LCORL: variants seen among roughly 807,000 people sequenced by gnomAD.
LCORL encodes the protein ligand-dependent nuclear receptor corepressor-like protein.
In LCORL, 41 loss-of-function variants were observed where a neutral mutation model predicts 141.8. The ratio of observed to expected loss-of-function variants is 0.29; its 90% CI spans 0.23 to 0.38. The LOEUF (loss-of-function observed/expected upper bound fraction) is 0.38, where lower values mean the gene tolerates loss of function less well. LCORL is among the 10% of genes least tolerant of loss of function. LCORL has a pLI of 1.00. For synonymous variants in LCORL, 618 were observed against 694.1 expected, an observed-to-expected ratio of 0.89 and a Z score of 1.72; for missense variants, 1,759 against 2,035.0, an observed-to-expected ratio of 0.86 and a Z score of 2.61.
At chr4:17,933,018 C>T (rs1158690785) in intron 4 of LCORL, among the ~76,000 whole-genome samples, 4 of 152,082 alleles carry the variant, frequency 2.6e-5, no homozygotes, top group African/African-American at 9.7e-5. Context: ...GGCTGTCTTT[C>T]TTTAAATGTT....
intron 6 of LCORL, among the ~76,000 whole-genome samples, 200 bp downstream of exon 6, chr4:17,885,868 T>C (rs745968435): frequency 3.3e-5 from 5 of 151,864 alleles, no homozygotes; most frequent in Admixed American, 6.6e-5. Context: ...TTGGTGATTG[T>C]TCTGATAACT....
intron 4 of LCORL, among the ~76,000 whole-genome samples, chr4:17,942,210 G>A (rs1270003111): frequency 1.3e-5 from 2 of 152,130 alleles, no homozygotes; most frequent in Non-Finnish European, 2.9e-5. Context: ...TGACAATAGA[G>A]TGAAACCCAA....
chr4:17,980,693 C>T (rs1717822636), intron 1 of LCORL, among the ~76,000 whole-genome samples: 2 of 152,138 alleles, frequency 1.3e-5, no homozygotes. Context: ...GCAGGAGTCC[C>T]CAATCCCCAG....
intron 7 of LCORL, among the ~76,000 whole-genome samples, chr4:17,848,723 G>A (rs1052035436): frequency 1.8e-4 from 28 of 152,326 alleles, no homozygotes; most frequent in African/African-American, 6.0e-4. Context: ...GAAGCAGGGC[G>A]AGGCATTGCC....
chr4:17,880,135 T>C (rs1302539003), intron 6 of LCORL, among the ~76,000 whole-genome samples: 2 of 151,012 alleles, frequency 1.3e-5, no homozygotes, highest in Admixed American at 1.3e-4. Context: ...TCTAATGCTA[T>C]AAGAACAGCT....
exon 7 of LCORL, chr4:17,876,542 A>G: frequency 1.6e-6 from 2 of 1,230,940 alleles, no homozygotes; most frequent in Non-Finnish European, 2.0e-6. Flanking sequence ...GTGAGCTTTC[A>G]ATGTGAATAT....
chr4:17,983,474 G>A (rs1718381967), intron 1 of LCORL, among the ~76,000 whole-genome samples: 1 of 151,926 alleles, frequency 6.6e-6, no homozygotes, highest in African/African-American at 2.4e-5. Flanking sequence ...TTGTAGAGAT[G>A]TTTCACCTCC....
intron 6 of LCORL, among the ~76,000 whole-genome samples, chr4:17,885,816 T>C (rs1177810350): frequency 6.6e-6 from 1 of 151,968 alleles, no homozygotes; most frequent in Non-Finnish European, 1.5e-5. Context: ...TTAGTTTGTA[T>C]TCTATAAGTT....
At chr4:17,905,637 T>C (rs1206346708) in intron 5 of LCORL, among the ~76,000 whole-genome samples, 1 of 152,138 alleles carries the variant, frequency 6.6e-6, no homozygotes, top group Non-Finnish European at 1.5e-5. Context: ...TAAAACTATT[T>C]GGCATGGAGA....
At chr4:17,869,743 A>G (rs1726109436) in intron 7 of LCORL, among the ~76,000 whole-genome samples, 1 of 152,162 alleles carries the variant, frequency 6.6e-6, no homozygotes, top group African/African-American at 2.4e-5. Context: ...CTTGGGAAAC[A>G]GATCCGTATG....
At chr4:18,009,007 A>C (rs901123158) in intron 1 of LCORL, among the ~76,000 whole-genome samples, 6 of 152,112 alleles carry the variant, frequency 3.9e-5, no homozygotes, top group Non-Finnish European at 7.4e-5. Context: ...TCACAAAAAC[A>C]ACCATTAAAA....
intron 5 of LCORL, among the ~76,000 whole-genome samples, chr4:17,888,407 T>C (rs1371967718): frequency 2.0e-5 from 3 of 152,164 alleles, no homozygotes; most frequent in Admixed American, 2.0e-4. Flanking sequence ...CTCATTTATC[T>C]ATGTAACTAC....
At chr4:17,882,879 CTTTCT>C in intron 6 of LCORL, 9 of 976,326 alleles carry the variant, frequency 9.2e-6, no homozygotes, top group Non-Finnish European at 1.1e-5. Flanking sequence ...TGCATTCCAA[CTTTCT>C]TTTCTAACCT....
chr4:17,992,980 A>G (rs1403754486), intron 1 of LCORL, among the ~76,000 whole-genome samples: 1 of 152,214 alleles, frequency 6.6e-6, no homozygotes, highest in Admixed American at 6.5e-5. Context: ...ACATTTGATG[A>G]TGATGCCCAA....
chr4:17,996,862 G>A (rs1720998925), intron 1 of LCORL, among the ~76,000 whole-genome samples: 2 of 151,924 alleles, frequency 1.3e-5, no homozygotes, highest in Non-Finnish European at 2.9e-5. Context: ...CATTCAGAAA[G>A]GAAAAAGTCT....
At chr4:17,967,404 G>A (rs1386994806) in intron 2 of LCORL, among the ~76,000 whole-genome samples, 2 of 152,170 alleles carry the variant, frequency 1.3e-5, no homozygotes, top group African/African-American at 4.8e-5. Context: ...AATGTAAACT[G>A]TGGAATTTTG....
exon 5 of LCORL, chr4:17,909,111 T>C: frequency 2.5e-6 from 4 of 1,598,386 alleles, no homozygotes; most frequent in South Asian, 1.2e-5. Flanking sequence ...AGTATTTTGT[T>C]CTTGCATTCG....
At chr4:17,849,940 T>C (rs1207784190) in intron 7 of LCORL, among the ~76,000 whole-genome samples, 1 of 151,188 alleles carries the variant, frequency 6.6e-6, no homozygotes, top group African/African-American at 2.4e-5. Flanking sequence ...GAGATATAGA[T>C]CAATGGAACA....
intron 1 of LCORL, among the ~76,000 whole-genome samples, chr4:17,993,452 G>A (rs945431723): frequency 5.9e-5 from 9 of 151,910 alleles, no homozygotes; most frequent in South Asian, 2.1e-4. Flanking sequence ...TGATCCTCCC[G>A]CCTCAGCCTC....
Sources: allele counts gnomAD v4.1 joint callset (sites outside exome capture counted in the v4.1 genomes callset), GRCh38; gene constraint gnomAD v4.1.1; transcripts MANE v1.5; gene names NCBI Gene and HGNC (gene_info 2026-07-23, HGNC 2026-07-21).